SNX31: variants seen among roughly 807,000 people sequenced by gnomAD.
SNX31 encodes the protein sorting nexin 31.
SNX31 carries 58 observed loss-of-function variants against 65.4 expected under a neutral mutation model. The observed-to-expected ratio is 0.89, with a 90% CI of 0.72 to 1.10. SNX31 has a LOEUF of 1.10. SNX31 is among the 50% of genes least tolerant of loss of function. The pLI is 0.00. For missense variants in SNX31, 523 were observed against 529.7 expected (o/e 0.99, Z 0.12); for synonymous variants, 181 against 190.1 (o/e 0.95, Z 0.39).
At chr8:100,636,729 T>C (rs1818798532) in intron 2 of SNX31, among the ~76,000 whole-genome samples, 1 of 151,932 alleles carries the variant, frequency 6.6e-6, no homozygotes, top group South Asian at 2.1e-4. Context: ...TCTTTCTTTC[T>C]TTCTTTTTTG....
In SNX31 at chr8:100,596,682, A is replaced by G. The variant is rs1815120561; in HGVS notation, c.935T>C (p.Val312Ala). Residue 312 changes from valine to alanine, a missense_variant, in exon 10 of 14, where the codon GTT becomes GCT. Physicochemically the swap from Val to Ala is moderately conservative, Grantham distance 64. Coordinates refer to ENST00000311812, the MANE Select transcript of SNX31 (RefSeq NM_152628.4). ...GCACTTCACCCTGCTCATCTGGAAA[A>G]CGATGTCCTGGGTCTGGCTGTCAGG... The part of the protein sequence containing the change: ...TLPDSQTQDI[V>A]FQMSRVKCWQ... The G allele has an allele frequency of 2.5e-6, 4 of 1,614,096 alleles. No homozygotes were observed.
intron 11 of SNX31, among the ~76,000 whole-genome samples, chr8:100,585,728 C>A (rs1813983631): frequency 1.3e-5 from 2 of 152,050 alleles, no homozygotes; most frequent in Non-Finnish European, 2.9e-5. Context: ...ATAAAATAAA[C>A]AACAAAACCC....
rs200780455 is a variant in SNX31, at chr8:100,608,469, T to C, written c.681+25A>G. ...CAACATGGCCTATGATCTACGGTGC[T>C]GTCTGAGCTCTTGGTGACCCTCACC... On this transcript the variant is annotated intron_variant, in intron 8 of 13. Coordinates refer to ENST00000311812, the MANE Select transcript of SNX31 (RefSeq NM_152628.4). The C allele has an allele frequency of 4.2e-5, 67 of 1,611,986 alleles. No individual in the cohort carries two copies. The East Asian group carries it at 1.3e-3, about 31-fold the overall frequency.
At chr8:100,651,730 C>T (rs940529164), upstream of SNX31, among the ~76,000 whole-genome samples, 4 of 152,258 alleles carry the variant, frequency 2.6e-5, no homozygotes, top group African/African-American at 9.6e-5. Flanking sequence ...GAACACTTTA[C>T]ATGAATGAAG....
At position 100,625,336 on chromosome 8, in the gene SNX31, T is replaced by C. The variant is rs1447901417; in HGVS notation, c.321+4991A>G. Among the ~76,000 whole-genome samples the C allele has an allele frequency of 6.6e-6, 1 of 151,072 alleles. No homozygotes were observed. The highest frequency in any genetic ancestry group is 2.0e-4 in the East Asian group (1 of 5,050). On this transcript the variant is annotated intron_variant, in intron 4 of 13. Transcript: ENST00000311812. This position sits in a 1 kb window ranked among gnomAD's most constrained non-coding sequence, Gnocchi z 4.2. The stretch of plus-strand genomic sequence containing the variant: ...GTAGAGAAATGACAGCGGCCCATCA[T>C]TGCATGTGATGGAGGTTTAGAGCCT...
Position 100,602,283 on chromosome 8 carries a change from C to T in SNX31, c.682-1842G>A, listed in dbSNP as rs141176918. Among the ~76,000 whole-genome samples, 285 of 152,258 alleles carry T rather than the reference C, an allele frequency of 1.9e-3. 2 individuals are homozygous for T. The highest frequency in any genetic ancestry group is 2.4e-3 in the African/African-American group (101 of 41,546). ...CCAGAGAAGAATGAAAAGCTAAATA[C>T]GCCTTAAATATTGCTGTTTAGGCTG... On this transcript the variant is annotated intron_variant, in intron 8 of 13. Transcript: ENST00000311812.
chr8:100,583,877 A>G (rs1187360984), intron 12 of SNX31, among the ~76,000 whole-genome samples: 4 of 152,214 alleles, frequency 2.6e-5, no homozygotes, highest in African/African-American at 9.6e-5. Context: ...CAGTAACCCA[A>G]AGATGACTTC....
chr8:100,656,918 C>T (rs1232076441), intron 1 of SNX31, among the ~76,000 whole-genome samples: 1 of 152,168 alleles, frequency 6.6e-6, no homozygotes, highest in Non-Finnish European at 1.5e-5. Context: ...TGACCCTGCT[C>T]TGTCCCAGTC....
chr8:100,642,351 A>C (rs1485150564), intron 2 of SNX31, among the ~76,000 whole-genome samples: 1 of 152,168 alleles, frequency 6.6e-6, no homozygotes, highest in Admixed American at 6.5e-5. Flanking sequence ...GTGTTCGTAA[A>C]TGTCGCAGAT....
In SNX31 at chr8:100,576,757, G is replaced by A. The variant is rs991361294; in HGVS notation, c.1227+262C>T. Among the ~76,000 whole-genome samples the A allele has an allele frequency of 1.3e-5, 2 of 151,746 alleles. No individual in the cohort carries two copies. The highest frequency in any genetic ancestry group is 4.8e-5 in the African/African-American group (2 of 41,296). ...AGAGTTGCCTCCAAAAAGTGCAAGGGGTGTACAAAAAAATCACCAAATAAT... is the reference window on the plus strand; with the variant it reads ...AGAGTTGCCTCCAAAAAGTGCAAGGAGTGTACAAAAAAATCACCAAATAAT... On this transcript the variant is annotated intron_variant, in intron 13 of 13. Transcript: ENST00000311812. The surrounding 1 kb of genome is among the most constrained non-coding windows in gnomAD (Gnocchi z 4.8).
intron 2 of SNX31, among the ~76,000 whole-genome samples, chr8:100,640,690 C>A (rs999480695): frequency 1.3e-5 from 2 of 152,066 alleles, no homozygotes; most frequent in African/African-American, 4.8e-5. Flanking sequence ...CTTCATCCCC[C>A]CAACCCATAA....
At chr8:100,659,818 A>AC (rs1227072119) in intron 1 of SNX31, among the ~76,000 whole-genome samples, 1 of 151,956 alleles carries the variant, frequency 6.6e-6, no homozygotes, top group Non-Finnish European at 1.5e-5. Context: ...TTTATAAGTT[A>AC]CCCCCAACCA....
chr8:100,631,630 C>T (rs1189655411), intron 3 of SNX31, among the ~76,000 whole-genome samples: 1 of 152,080 alleles, frequency 6.6e-6, no homozygotes, highest in East Asian at 1.9e-4. Context: ...CAAACATCCT[C>T]TACCAGCATT....
intron 4 of SNX31, among the ~76,000 whole-genome samples, chr8:100,623,662 T>A (rs1372273907): frequency 6.6e-6 from 1 of 152,182 alleles, no homozygotes; most frequent in Non-Finnish European, 1.5e-5. Flanking sequence ...AAAGGTGCCC[T>A]TCCTCCACCT....
chr8:100,637,284 C>T (rs1000995050), intron 2 of SNX31, among the ~76,000 whole-genome samples: 2 of 152,170 alleles, frequency 1.3e-5, no homozygotes, highest in African/African-American at 4.8e-5. Context: ...CAGATTCATT[C>T]TCCTGAAAAT....
chr8:100,608,804 T>A (rs1399976950), intron 7 of SNX31, among the ~76,000 whole-genome samples: 2 of 152,158 alleles, frequency 1.3e-5, no homozygotes, highest in African/African-American at 4.8e-5. Flanking sequence ...AAATAAAGCT[T>A]TAGGGGAATG....
At chr8:100,651,103 C>T (rs1444329914), upstream of SNX31, among the ~76,000 whole-genome samples, 10 of 152,182 alleles carry the variant, frequency 6.6e-5, no homozygotes, top group East Asian at 1.9e-4. Flanking sequence ...CTGTCCACCT[C>T]GGCCTCCCAA....
chr8:100,624,614 C>T (rs1377970550), intron 4 of SNX31, among the ~76,000 whole-genome samples: 2 of 152,042 alleles, frequency 1.3e-5, no homozygotes, highest in Admixed American at 6.5e-5. Flanking sequence ...ACAGATCAAA[C>T]AAGTTTAGAG....
At chr8:100,621,882 G>A (rs1424432251) in intron 4 of SNX31, among the ~76,000 whole-genome samples, 2 of 152,176 alleles carry the variant, frequency 1.3e-5, no homozygotes, top group Non-Finnish European at 2.9e-5. Context: ...CACTCCCTCG[G>A]AAGAAGGAAG....
Sources: gnomAD v4.1 joint callset for allele counts (sites outside exome capture counted in the v4.1 genomes callset) on GRCh38, gnomAD v4.1.1 for gene constraint, Gnocchi (gnomAD v3.1) non-coding constraint, MANE v1.5 for transcripts, NCBI Gene and HGNC (gene_info 2026-07-23, HGNC 2026-07-21) for gene names.